Variants in SLC29A4 observed in about 807,000 individuals in gnomAD.
SLC29A4 encodes equilibrative nucleoside transporter 4.
Under a neutral mutation model 43.9 loss-of-function variants are expected in SLC29A4, and 36 were observed. That is an observed-to-expected ratio of 0.82 (90% CI 0.63 to 1.08). The LOEUF is 1.08. Ranked by LOEUF, SLC29A4 falls within the 50% of genes least tolerant of loss-of-function variation. The pLI, the probability that SLC29A4 is intolerant of heterozygous loss-of-function variation, is 0.00. For synonymous variants in SLC29A4, 491 were observed against 338.0 expected, an observed-to-expected ratio of 1.45 and a Z score of -4.97; for missense variants, 869 against 755.3, an observed-to-expected ratio of 1.15 and a Z score of -1.77.
Position 5,299,093 on chromosome 7 carries a change from C to G in SLC29A4, c.988C>G (p.Pro330Ala). ...GAYMRFDVPRPRVQRSWPTFR... is the reference protein window; with the variant it reads ...GAYMRFDVPRARVQRSWPTFR... ...CTACATGCGCTTTGATGTGCCGCGG[C>G]CAAGGGTCCAGCGCAGCTGGCCCAC... The change falls in exon 8 of 11, where the codon CCA becomes GCA. Residue 330 changes from proline to alanine, a missense_variant. Pro to Ala is a conservative substitution (Grantham distance 27). Coordinates refer to ENST00000396872, the MANE Select transcript of SLC29A4 (RefSeq NM_153247.4). 1 of 1,610,568 alleles carries G rather than the reference C, an allele frequency of 6.2e-7. No homozygotes were observed. Among genetic ancestry groups the G allele is most frequent in the Non-Finnish European group, 8.5e-7 (1 of 1,179,374 alleles).
chr7:5,297,779 G>C (rs1358997488), intron 7 of SLC29A4, among the ~76,000 whole-genome samples: 1 of 152,192 alleles, frequency 6.6e-6, no homozygotes, highest in Non-Finnish European at 1.5e-5. Context: ...TGGTCTCCCA[G>C]GTGGGGATAG....
At chr7:5,290,452 C>T (rs1161656248) in intron 2 of SLC29A4, among the ~76,000 whole-genome samples, 1 of 152,208 alleles carries the variant, frequency 6.6e-6, no homozygotes, top group Non-Finnish European at 1.5e-5. Context: ...CCGCCTTGGC[C>T]TCCCAGAGTG....
rs989379075 is a variant in SLC29A4 at position 5,303,280 on chromosome 7, A to G, written c.*341A>G. On this transcript the variant is annotated 3_prime_UTR_variant, in exon 11 of 11. Coordinates refer to ENST00000396872, the MANE Select transcript of SLC29A4 (RefSeq NM_153247.4). Reference sequence around the variant, plus strand: ...CACGCACCGTGTCCCCACCCAGGACAGCAGACACCCGCCAGAGTGTGCGCG... The same window carrying G: ...CACGCACCGTGTCCCCACCCAGGACGGCAGACACCCGCCAGAGTGTGCGCG... 7.8e-6 allele frequency: 3 copies of G among 384,134 alleles called. No individual in the cohort carries two copies. The highest frequency in any genetic ancestry group is 4.2e-5 in the African/African-American group (2 of 47,552). The allele number at this position is 384,134 out of a possible 1,614,324, so 23.8% of individuals were successfully genotyped here.
intron 5 of SLC29A4, among the ~76,000 whole-genome samples, chr7:5,293,265 A>G (rs1313267834): frequency 2.9e-5 from 4 of 139,480 alleles, no homozygotes; most frequent in Admixed American, 1.6e-4. Context: ...TCCGTCTCCC[A>G]GGTTCAAGGG....
chr7:5,290,841 C>G lies in SLC29A4; in HGVS notation c.279C>G (p.Asp93Glu). ...ACAACAGCTTCATCACGGACGTGGA[C>G]TACCTGCATCACAAGTACCCAGGTG... The part of the protein sequence containing the change: ...LPYNSFITDV[D>E]YLHHKYPGTS... Residue 93 changes from aspartate to glutamate, a missense_variant, in exon 3 of 11, where the codon GAC becomes GAG. Transcript: ENST00000396872. The G allele has an allele frequency of 6.2e-7, 1 of 1,613,222 alleles. No individual in the cohort carries two copies. Among genetic ancestry groups the G allele is most frequent in the Non-Finnish European group, 8.5e-7 (1 of 1,179,698 alleles).
At chr7:5,283,186 G>C (rs1365053731) in intron 1 of SLC29A4, 104 bp downstream of exon 1, 1 of 143,454 alleles carries the variant, frequency 7.0e-6, no homozygotes, top group East Asian at 2.1e-4. Flanking sequence ...CCGCCCGGGC[G>C]CTGCCCCCTC....
intron 5 of SLC29A4, among the ~76,000 whole-genome samples, chr7:5,293,260 C>G (rs1225848595): frequency 6.7e-6 from 1 of 148,726 alleles, no homozygotes; most frequent in East Asian, 2.0e-4. Flanking sequence ...CAACCTCCGT[C>G]TCCCAGGTTC....
rs371767928 is a variant in SLC29A4 at position 5,291,183 on chromosome 7, C to T, written c.361C>T (p.Leu121Phe). ...TYILVALAAV[L>F]LNNVLVERLT... ...CATCTTGGTGGCACTGGCAGCTGTC[C>T]TCCTGAACAACGTCCTGGTGGAGAG... is the stretch of plus-strand genomic sequence containing the variant. Residue 121 changes from leucine to phenylalanine, a missense_variant, in exon 4 of 11, where the codon CTC (leucine) becomes TTC (phenylalanine). Leu to Phe is a conservative substitution (Grantham distance 22, BLOSUM62 0). Coordinates refer to ENST00000396872, the MANE Select transcript of SLC29A4 (RefSeq NM_153247.4). 7.3e-5 allele frequency: 118 copies of T among 1,613,662 alleles called. No individual in the cohort carries two copies. Among genetic ancestry groups the T allele is most frequent in the Non-Finnish European group, 9.1e-5 (107 of 1,180,022 alleles).
At position 5,306,198 on chromosome 7, in the gene SLC29A4, T is replaced by C. The variant is rs915433918; in HGVS notation, c.*3259T>C. 2.8e-4 allele frequency: 39 copies of C among 138,016 alleles called. No homozygotes were observed. The highest frequency in any genetic ancestry group is 5.7e-4 in the Non-Finnish European group (36 of 63,508). The allele number at this position is 138,016 out of a possible 1,614,324, so 8.5% of individuals were successfully genotyped here. ...TGTAAATTTGTTCAATTTCTTTTTTTTTTTTTTTTTTTTTTTTTGAGACAA... is the reference window on the plus strand; with the variant it reads ...TGTAAATTTGTTCAATTTCTTTTTTCTTTTTTTTTTTTTTTTTTGAGACAA... On this transcript the variant is annotated 3_prime_UTR_variant, in exon 11 of 11. Transcript: ENST00000396872.
At chr7:5,285,986 G>C (rs1278814269) in intron 1 of SLC29A4, among the ~76,000 whole-genome samples, 2 of 152,046 alleles carry the variant, frequency 1.3e-5, no homozygotes, top group African/African-American at 4.8e-5. Context: ...CTCCAGCCTT[G>C]GCAACAAAGC....
chr7:5,297,644 G>C (rs141686939), intron 7 of SLC29A4, among the ~76,000 whole-genome samples: 4,379 of 152,160 alleles, frequency 0.029, 227 homozygotes, highest in African/African-American at 0.098. Context: ...GAAGCTCACA[G>C]CCTTCCTCCC....
intron 5 of SLC29A4, among the ~76,000 whole-genome samples, chr7:5,293,162 C>CTCTTTTTTT: frequency 8.5e-6 from 1 of 117,282 alleles, no homozygotes; most frequent in Non-Finnish European, 1.7e-5. Context: ...TTTTTTTTCT[C>CTCTTTTTTT]TTTTTTTTTT....
intron 5 of SLC29A4, among the ~76,000 whole-genome samples, chr7:5,293,606 A>G (rs1213498632): frequency 6.6e-6 from 1 of 151,886 alleles, no homozygotes; most frequent in Non-Finnish European, 1.5e-5. Flanking sequence ...TCCCAATACT[A>G]CTGTTCTGTT....
At chr7:5,285,983 C>G (rs1784919092) in intron 1 of SLC29A4, among the ~76,000 whole-genome samples, 3 of 152,044 alleles carry the variant, frequency 2.0e-5, no homozygotes, top group African/African-American at 7.2e-5. Context: ...GCACTCCAGC[C>G]TTGGCAACAA....
chr7:5,286,822 C>T (rs539620884), intron 1 of SLC29A4, among the ~76,000 whole-genome samples: 31 of 152,326 alleles, frequency 2.0e-4, no homozygotes, highest in Non-Finnish European at 4.0e-4. Context: ...GCCTGTGAGA[C>T]CAAGGGGTTT....
In SLC29A4 at chr7:5,297,386, C is replaced by T. The variant is rs1785782276; in HGVS notation, c.882+188C>T. On this transcript the variant is annotated intron_variant, in intron 7 of 10. Coordinates refer to ENST00000396872, the MANE Select transcript of SLC29A4 (RefSeq NM_153247.4). ...TCTTACTGATGTGGCTTCTTACTGGCACCCCACGTCTCGTGGCCTAAGGCC... is the reference window on the plus strand; with the variant it reads ...TCTTACTGATGTGGCTTCTTACTGGTACCCCACGTCTCGTGGCCTAAGGCC... 4.6e-5 allele frequency among the ~76,000 whole-genome samples: 7 copies of T among 152,230 alleles called. No homozygotes were observed. The South Asian group carries it at 1.4e-3, about 32-fold the overall frequency.
At chr7:5,287,669 G>A in intron 1 of SLC29A4, 140 bp from the exon 2 acceptor site, 1 of 785,654 alleles carries the variant, frequency 1.3e-6, no homozygotes, top group Non-Finnish European at 2.0e-6. Context: ...CCTTTGCAGT[G>A]AGGCATAGCT....
chr7:5,284,150 G>A (rs1427637885), intron 1 of SLC29A4, among the ~76,000 whole-genome samples: 8 of 151,980 alleles, frequency 5.3e-5, no homozygotes, highest in Non-Finnish European at 7.4e-5. Context: ...CTGGGAGGCC[G>A]GGGCTGAGGG....
intron 9 of SLC29A4, among the ~76,000 whole-genome samples, chr7:5,300,041 G>T (rs765333341): frequency 4.6e-5 from 7 of 151,952 alleles, no homozygotes; most frequent in Non-Finnish European, 8.8e-5. Flanking sequence ...GACAGCACGA[G>T]ACTCTGTCTC....
Sources: allele counts gnomAD v4.1 joint callset (sites outside exome capture counted in the v4.1 genomes callset), GRCh38; gene constraint gnomAD v4.1.1; transcripts MANE v1.5; gene names NCBI Gene and HGNC (gene_info 2026-07-23, HGNC 2026-07-21).